The following SLC9A8 variants were observed in gnomAD, a reference collection of about 807,000 sequenced individuals.
SLC9A8 encodes the protein solute carrier family 9 member A8, also known as sodium/hydrogen exchanger 8.
In SLC9A8, 48 loss-of-function variants were observed where a neutral mutation model predicts 66.6. The ratio of observed to expected loss-of-function variants is 0.72; its 90% CI spans 0.57 to 0.92. The LOEUF (loss-of-function observed/expected upper bound fraction) is 0.92. SLC9A8 is among the 40% of genes least tolerant of loss of function. SLC9A8 has a pLI of 0.00. For synonymous variants in SLC9A8, 274 were observed against 282.6 expected (o/e 0.97, Z 0.31); for missense variants, 599 against 747.3 (o/e 0.80, Z 2.31).
chr20:49,872,566 T>A (rs986861728), intron 10 of SLC9A8, among the ~76,000 whole-genome samples: 3 of 151,838 alleles, frequency 2.0e-5, no homozygotes, highest in Non-Finnish European at 2.9e-5. Context: ...GCTCACTGCA[T>A]CCTCCACCCC....
At chr20:49,832,911 CTT>C (rs941773714) in intron 3 of SLC9A8, among the ~76,000 whole-genome samples, 3 of 144,888 alleles carry the variant, frequency 2.1e-5, no homozygotes, top group African/African-American at 2.5e-5. Context: ...AAATCCTTTC[CTT>C]TTTTTTTTTG....
At chr20:49,815,309 C>G in intron 2 of SLC9A8, 120 bp downstream of exon 2, 5 of 751,544 alleles carry the variant, frequency 6.7e-6, no homozygotes, top group Non-Finnish European at 1.0e-5. Flanking sequence ...GTTTTCATAT[C>G]AAACACTGAG....
At chr20:49,874,922 G>A (rs1226493583) in intron 11 of SLC9A8, 101 bp downstream of exon 11, 1 of 809,092 alleles carries the variant, frequency 1.2e-6, no homozygotes, top group Non-Finnish European at 2.2e-6. Context: ...CTGGCAGCAG[G>A]GCAGCAGCTC....
intron 7 of SLC9A8, among the ~76,000 whole-genome samples, chr20:49,852,569 A>T (rs997181659): frequency 1.3e-5 from 2 of 152,086 alleles, no homozygotes; most frequent in Admixed American, 1.3e-4. Context: ...TTTCTTTTTC[A>T]TTTTGTTAAT....
intron 3 of SLC9A8, chr20:49,829,658 G>T: frequency 6.4e-6 from 3 of 467,076 alleles, no homozygotes; most frequent in South Asian, 1.9e-5. Flanking sequence ...AGATTCACAA[G>T]GGTAAACTAT....
At chr20:49,818,552 A>G (rs2086635512) in intron 2 of SLC9A8, among the ~76,000 whole-genome samples, 1 of 140,478 alleles carries the variant, frequency 7.1e-6, no homozygotes. Flanking sequence ...GTGCAGTGGC[A>G]TGATCTCACC....
chr20:49,815,359 T>G, intron 2 of SLC9A8, 170 bp downstream of exon 2: 1 of 443,800 alleles, frequency 2.3e-6, no homozygotes, highest in Admixed American at 4.3e-5. Flanking sequence ...CAGGAAACTC[T>G]CTTCTTTATA....
At chr20:49,825,297 C>G (rs1052622143) in intron 3 of SLC9A8, among the ~76,000 whole-genome samples, 27 of 152,172 alleles carry the variant, frequency 1.8e-4, no homozygotes, top group African/African-American at 6.5e-4. Flanking sequence ...CTAAAAGCAT[C>G]TTAACTAACA....
intron 8 of SLC9A8, among the ~76,000 whole-genome samples, chr20:49,861,145 G>A (rs118050118): frequency 0.016 from 2,480 of 152,290 alleles, 30 homozygotes; most frequent in Non-Finnish European, 0.024. Flanking sequence ...TTTGGGGAGA[G>A]GAGGTAAGGT....
At chr20:49,885,515 A>G (rs2089857151) in intron 14 of SLC9A8, among the ~76,000 whole-genome samples, 1 of 152,120 alleles carries the variant, frequency 6.6e-6, no homozygotes, top group Non-Finnish European at 1.5e-5. Context: ...TTTAGTAGAG[A>G]TGGGGTCTCA....
At position 49,886,698 on chromosome 20, in the gene SLC9A8, G is replaced by GC; in HGVS notation, c.1492-48dup. ...GGTGGTGTGGGGGCTTCCAGGAGGT[G>GC]CCCCCCGATGGTGCCAGCTGGTGGC... is the stretch of plus-strand genomic sequence containing the variant. On this transcript the variant is annotated intron_variant, in intron 14 of 15. Transcript: ENST00000361573. The surrounding 1 kb of genome is among the most constrained non-coding windows in gnomAD (Gnocchi z 4.8). The GC allele has an allele frequency of 6.3e-7, 1 of 1,583,554 alleles. No homozygotes were observed. Among genetic ancestry groups the GC allele is most frequent in the East Asian group, 2.3e-5 (1 of 44,254 alleles).
At chr20:49,852,158 G>C (rs1329109421) in intron 7 of SLC9A8, among the ~76,000 whole-genome samples, 1 of 152,198 alleles carries the variant, frequency 6.6e-6, no homozygotes, top group Non-Finnish European at 1.5e-5. Flanking sequence ...CTTAACAGAG[G>C]GAAGCTGGCC....
intron 2 of SLC9A8, among the ~76,000 whole-genome samples, chr20:49,819,510 GT>G (rs2086663426): frequency 6.6e-6 from 1 of 151,818 alleles, no homozygotes; most frequent in Admixed American, 6.6e-5. Context: ...TTGTATTGGT[GT>G]TTTTTCTGTC....
chr20:49,854,618 G>A (rs1412075343), intron 7 of SLC9A8, among the ~76,000 whole-genome samples: 1 of 152,128 alleles, frequency 6.6e-6, no homozygotes, highest in Non-Finnish European at 1.5e-5. Flanking sequence ...CTACTGTTGG[G>A]GGTAGGAGTA....
chr20:49,874,762 T>C lies in SLC9A8; in HGVS notation c.1016T>C (p.Leu339Pro). The change falls in exon 11 of 16, where the codon CTC (leucine) becomes CCC (proline). Residue 339 changes from leucine (L) to proline (P), a missense_variant. Leu to Pro is a moderately conservative substitution (Grantham distance 98). Around this residue, in one of 2 missense-constraint regions of SLC9A8, gnomAD observed 467 missense variants for 626.5 expected, o/e 0.75. Transcript: ENST00000361573. ...IVMSHYTHHN[L>P]SPVTQILMQQ... The stretch of plus-strand genomic sequence containing the variant: ...ATGTCCCACTACACGCACCATAACC[T>C]CTCCCCAGTCACCCAGATCCTCATG... 6.2e-7 allele frequency: 1 copy of C among 1,613,778 alleles called. No homozygotes were observed.
chr20:49,812,936 T>G lies in SLC9A8; in HGVS notation c.14T>G (p.Met5Arg). Residue 5 changes from methionine to arginine, a missense_variant, in exon 1 of 16, where the codon ATG (methionine) becomes AGG (arginine). Physicochemically the swap from Met to Arg is moderately conservative, Grantham distance 91. Transcript: ENST00000361573. ...AAGCTCCGCAGGATGGGGGAGAAGA[T>G]GGCGGAAGAGGAGTGAGTGGGCTTT... The part of the protein sequence containing the change: MGEK[M>R]AEEERFPNTT... The G allele has an allele frequency of 1.8e-5, 26 of 1,474,678 alleles. No homozygotes were observed. Among genetic ancestry groups the G allele is most frequent in the Non-Finnish European group, 2.3e-5 (26 of 1,113,556 alleles). The allele number at this position is 1,474,678 out of a possible 1,614,324, so 91.3% of individuals were successfully genotyped here.
At chr20:49,881,642 G>C (rs765076902) in intron 13 of SLC9A8, among the ~76,000 whole-genome samples, 2 of 151,902 alleles carry the variant, frequency 1.3e-5, no homozygotes, top group Admixed American at 6.6e-5. Context: ...AGTATTTTCC[G>C]TGTGGGTTGG....
At chr20:49,839,724 A>T in intron 4 of SLC9A8, 125 bp downstream of exon 4, 1 of 492,912 alleles carries the variant, frequency 2.0e-6, no homozygotes, top group Non-Finnish European at 3.5e-6. Flanking sequence ...TTACTTTTTA[A>T]TTTTTTTATT....
chr20:49,848,907 G>T (rs751505857), intron 5 of SLC9A8, among the ~76,000 whole-genome samples: 2 of 152,164 alleles, frequency 1.3e-5, no homozygotes, highest in Non-Finnish European at 2.9e-5. Flanking sequence ...CGTGTTGTGC[G>T]AAAGCAGGTG....
Sources: gnomAD v4.1 joint callset for allele counts (sites outside exome capture counted in the v4.1 genomes callset) on GRCh38, gnomAD v4.1.1 for gene constraint, gnomAD v4.1.1 regional missense constraint, Gnocchi (gnomAD v3.1) non-coding constraint, MANE v1.5 for transcripts, NCBI Gene and HGNC (gene_info 2026-07-23, HGNC 2026-07-21) for gene names.